Variants in GPHN observed in about 807,000 individuals in gnomAD.
GPHN encodes the protein gephyrin.
GPHN carries 17 observed loss-of-function variants against 95.5 expected under a neutral mutation model. The observed-to-expected ratio is 0.18, with a 90% CI of 0.12 to 0.27. The LOEUF (loss-of-function observed/expected upper bound fraction) is 0.27. Ranked by LOEUF, GPHN falls within the 10% of genes least tolerant of loss-of-function variation. The pLI, the probability that GPHN is intolerant of heterozygous loss-of-function variation, is 1.00. For synonymous variants in GPHN, 320 were observed against 322.5 expected (o/e 0.99, Z 0.08); for missense variants, 660 against 978.1 (o/e 0.67, Z 4.34).
chr14:67,735,153 G>A, the GPHN span: 1 of 918,530 alleles, frequency 1.1e-6, no homozygotes. Flanking sequence ...CATGTTGTTG[G>A]CATTTTCAGA....
the GPHN span, chr14:67,651,384 T>C: frequency 1.2e-6 from 2 of 1,613,746 alleles, no homozygotes; most frequent in Non-Finnish European, 1.7e-6. Context: ...CCTATAGAAG[T>C]TCAATGGCTG....
chr14:66,607,586 T>C (rs574235393), intron 1 of GPHN, among the ~76,000 whole-genome samples: 30 of 152,122 alleles, frequency 2.0e-4, no homozygotes, highest in African/African-American at 7.0e-4. Context: ...GTGCCAGTTC[T>C]TATTTGTATG....
intron 17 of GPHN, among the ~76,000 whole-genome samples, chr14:67,134,938 C>T (rs1170908055): frequency 2.3e-3 from 124 of 54,188 alleles, no homozygotes; most frequent in South Asian, 3.1e-3. Context: ...CTTTTTTTCT[C>T]TTTCTTTCTT....
the GPHN span, among the ~76,000 whole-genome samples, chr14:67,632,423 G>A: frequency 1.3e-5 from 2 of 152,138 alleles, no homozygotes; most frequent in Admixed American, 6.6e-5. Flanking sequence ...TTGTTTCATG[G>A]ACTGGACAGC....
chr14:66,871,724 T>C (rs1484391650), intron 4 of GPHN, among the ~76,000 whole-genome samples: 1 of 151,434 alleles, frequency 6.6e-6, no homozygotes, highest in Non-Finnish European at 1.5e-5. Flanking sequence ...AGTTGAACAA[T>C]GAGAACACAT....
the GPHN span, among the ~76,000 whole-genome samples, chr14:67,606,384 C>A: frequency 1.3e-5 from 2 of 152,136 alleles, no homozygotes; most frequent in African/African-American, 4.8e-5. Context: ...TATCAGGATA[C>A]TTTTTGTTCT....
the GPHN span, chr14:67,575,505 C>G: frequency 7.5e-7 from 1 of 1,338,478 alleles, no homozygotes; most frequent in Non-Finnish European, 1.1e-6. Flanking sequence ...TACCCACTCT[C>G]CTGCTTCCCC....
At chr14:66,760,577 G>T in intron 2 of GPHN, 1 of 375,016 alleles carries the variant, frequency 2.7e-6, no homozygotes, top group Admixed American at 3.5e-5. Context: ...CATCTACCCT[G>T]GCCACAGCAT....
At chr14:67,221,673 C>A in the GPHN span, 1 of 1,525,636 alleles carries the variant, frequency 6.6e-7, no homozygotes, top group Non-Finnish European at 8.9e-7. Context: ...CATTACTACC[C>A]ACAGAGCATT....
chr14:67,238,184 T>C, the GPHN span, among the ~76,000 whole-genome samples: 10 of 152,142 alleles, frequency 6.6e-5, no homozygotes, highest in African/African-American at 2.4e-4. Context: ...ACCAGTAATT[T>C]GTATGACTTG....
the GPHN span, among the ~76,000 whole-genome samples, chr14:67,511,529 A>G: frequency 1.3e-5 from 2 of 152,122 alleles, no homozygotes; most frequent in Non-Finnish European, 2.9e-5. Context: ...TAAACTCCCT[A>G]CTGGGAAGCC....
chr14:66,546,742 G>C (rs1325431340), intron 1 of GPHN, among the ~76,000 whole-genome samples: 3 of 147,806 alleles, frequency 2.0e-5, no homozygotes, highest in African/African-American at 7.4e-5. Context: ...GCTTCAGCTC[G>C]GTATCAGAGG....
chr14:67,477,246 C>T, the GPHN span, among the ~76,000 whole-genome samples: 56 of 152,240 alleles, frequency 3.7e-4, no homozygotes, highest in African/African-American at 1.3e-3. Flanking sequence ...ATTCAAGATT[C>T]TTCATGACCT....
chr14:67,072,012 T>C (rs969158099), intron 11 of GPHN, among the ~76,000 whole-genome samples: 7 of 152,160 alleles, frequency 4.6e-5, no homozygotes, highest in Non-Finnish European at 1.0e-4. Flanking sequence ...GATATGATTC[T>C]TAATATTTCC....
chr14:66,603,369 A>C (rs1453585229), intron 1 of GPHN, among the ~76,000 whole-genome samples: 1 of 151,824 alleles, frequency 6.6e-6, no homozygotes, highest in Non-Finnish European at 1.5e-5. Context: ...ACAAACTTTG[A>C]ATCATACCGT....
Position 66,508,317 on chromosome 14 carries a change from T to A in GPHN, c.-211T>A. On this transcript the variant is annotated 5_prime_UTR_variant, in exon 1 of 23. Coordinates refer to ENST00000478722, the MANE Select transcript of GPHN (RefSeq NM_020806.5). ...CTTGGGGCCGCGCGCCCTGACTCCT[T>A]CCCCTCCCGCGGACCCGCGCACTCC... is the stretch of plus-strand genomic sequence containing the variant. The A allele has an allele frequency of 3.3e-6, 2 of 605,468 alleles. No homozygotes were observed. The highest frequency in any genetic ancestry group is 3.8e-5 in the South Asian group (2 of 52,344). The allele number at this position is 605,468 out of a possible 1,614,324, so 37.5% of individuals were successfully genotyped here.
At chr14:66,694,715 G>T (rs2068004913) in intron 2 of GPHN, among the ~76,000 whole-genome samples, 1 of 152,126 alleles carries the variant, frequency 6.6e-6, no homozygotes, top group African/African-American at 2.4e-5. Flanking sequence ...GGTAAGCTGG[G>T]CTTCATTAAA....
intron 5 of GPHN, among the ~76,000 whole-genome samples, chr14:66,901,309 G>A (rs1379483154): frequency 6.6e-6 from 1 of 151,964 alleles, no homozygotes; most frequent in African/African-American, 2.4e-5. Flanking sequence ...AGTTTGAAAT[G>A]TTTTCTTCCA....
chr14:66,717,799 G>A (rs989216365), intron 2 of GPHN, among the ~76,000 whole-genome samples: 12 of 152,170 alleles, frequency 7.9e-5, no homozygotes, highest in Admixed American at 2.0e-4. Flanking sequence ...CATCTACCGC[G>A]CCTACCCGGC....
Sources: gnomAD v4.1 joint callset for allele counts (sites outside exome capture counted in the v4.1 genomes callset) on GRCh38, gnomAD v4.1.1 for gene constraint, MANE v1.5 for transcripts, NCBI Gene and HGNC (gene_info 2026-07-23, HGNC 2026-07-21) for gene names.